The following XIST variants were observed in gnomAD, a reference collection of about 807,000 sequenced individuals.
XIST encodes X inactive specific transcript (non-protein coding).
exon 1 of XIST, chrX:73,847,109 C>T (rs1398594300): frequency 1.3e-5 from 7 of 557,659 alleles, no homozygotes; most frequent in South Asian, 2.2e-5. Flanking sequence ...GTAGTAGGTA[C>T]TTCCAGCTGG....
chrX:73,846,517 C>T (rs1477815716), exon 1 of XIST: 3 of 557,405 alleles, frequency 5.4e-6, no homozygotes, highest in South Asian at 2.2e-5. Flanking sequence ...CAAAAGGGGT[C>T]GGAGAGTAGG....
At chrX:73,822,906 A>C in exon 6 of XIST, 1 of 558,472 alleles carries the variant, frequency 1.8e-6, no homozygotes, top group Non-Finnish European at 3.2e-6. Context: ...AACTAAAGAA[A>C]CACAGTCTCT....
At chrX:73,849,095 C>T in exon 1 of XIST, 2 of 559,043 alleles carry the variant, frequency 3.6e-6, no homozygotes, top group Non-Finnish European at 6.5e-6. Flanking sequence ...TTAAGAAACT[C>T]TTAAATCTCA....
At chrX:73,830,427 T>C (rs1302892059) in intron 4 of XIST, among the ~76,000 whole-genome samples, 1 of 112,150 alleles carries the variant, frequency 8.9e-6, no homozygotes, top group African/African-American at 3.2e-5. Context: ...TCAGGATTTA[T>C]TGCACCGAAT....
At chrX:73,829,715 G>A (rs1458421649) in intron 4 of XIST, among the ~76,000 whole-genome samples, 10 of 105,886 alleles carry the variant, frequency 9.4e-5, no homozygotes, top group African/African-American at 3.5e-4. Flanking sequence ...GCTTGAACCC[G>A]GGAGGCAGAG....
exon 3 of XIST, chrX:73,833,327 C>G (rs1216260575): frequency 9.0e-6 from 5 of 557,945 alleles, no homozygotes; most frequent in Non-Finnish European, 1.6e-5. Context: ...TAATTTGGAG[C>G]CTCTTATAGC....
rs1922514056 is a variant in XIST, at chrX:73,837,874, C to T, written n.11343-371G>A. Among the ~76,000 whole-genome samples the T allele has an allele frequency of 2.7e-5, 3 of 111,423 alleles. No homozygotes were observed. The Admixed American group carries it at 2.9e-4, about 11-fold the overall frequency. The stretch of plus-strand genomic sequence containing the variant: ...TTTGCAGATCTGATCTAAAGACTTA[C>T]TCTCTTTCTTTTCTGTTTATATGGA... On this transcript the variant is annotated intron_variant and non_coding_transcript_variant, in intron 1 of 5. Coordinates refer to ENST00000429829, the Ensembl canonical transcript of XIST.
At chrX:73,852,490 T>C (rs1393027505) in exon 1 of XIST, 2 of 547,873 alleles carry the variant, frequency 3.7e-6, no homozygotes, top group Admixed American at 2.3e-5. Context: ...AAAAATTGCC[T>C]CAAAATATTC....
At chrX:73,851,223 C>T (rs774121330) in exon 1 of XIST, 1 of 559,466 alleles carries the variant, frequency 1.8e-6, no homozygotes, top group South Asian at 2.2e-5. Context: ...TTTAACAATG[C>T]GGCAAGCCCG....
At chrX:73,822,841 T>C (rs948623549) in exon 6 of XIST, 2 of 557,299 alleles carry the variant, frequency 3.6e-6, no homozygotes, top group Non-Finnish European at 6.5e-6. Context: ...AGGTGATCTG[T>C]TTAGTTTTTC....
exon 6 of XIST, chrX:73,824,024 TAATA>T (rs764178402): frequency 3.6e-6 from 2 of 553,405 alleles, no homozygotes; most frequent in African/African-American, 2.2e-5. Flanking sequence ...TCAATAATGA[TAATA>T]AATGTTTGTG....
intron 4 of XIST, among the ~76,000 whole-genome samples, chrX:73,830,145 A>G (rs1265648203): frequency 9.0e-6 from 1 of 111,555 alleles, no homozygotes; most frequent in East Asian, 2.8e-4. Context: ...AAAGAAGAAG[A>G]AGAAGAAGAA....
exon 5 of XIST, chrX:73,829,106 G>A (rs762910761): frequency 5.4e-6 from 3 of 558,787 alleles, no homozygotes; most frequent in Non-Finnish European, 6.5e-6. Flanking sequence ...TGCCAGGCAT[G>A]TTGATCTTCA....
intron 5 of XIST, chrX:73,828,708 C>T (rs759759920): frequency 2.3e-4 from 28 of 123,797 alleles, no homozygotes; most frequent in African/African-American, 8.0e-4. Flanking sequence ...TAACTGACGA[C>T]AGAGTCTCTC....
exon 1 of XIST, chrX:73,844,844 C>G (rs753234082): frequency 5.4e-5 from 28 of 518,756 alleles, no homozygotes; most frequent in Non-Finnish European, 9.7e-5. Context: ...TGCATGGCTG[C>G]GGTCACTTAG....
At chrX:73,847,280 C>T in exon 1 of XIST, 1 of 554,246 alleles carries the variant, frequency 1.8e-6, no homozygotes, top group Non-Finnish European at 3.3e-6. Flanking sequence ...AACATAGGGG[C>T]ACATCAACTA....
intron 1 of XIST, among the ~76,000 whole-genome samples, chrX:73,838,921 C>T (rs1224051701): frequency 9.0e-6 from 1 of 111,534 alleles, no homozygotes; most frequent in African/African-American, 3.3e-5. Flanking sequence ...CTCTGTTTAA[C>T]TGACACATCA....
At chrX:73,849,728 C>T (rs755109411) in exon 1 of XIST, 8 of 556,010 alleles carry the variant, frequency 1.4e-5, no homozygotes, top group Non-Finnish European at 2.6e-5. Context: ...ACGGAATATC[C>T]CAGTATAATA....
At chrX:73,850,979 T>C in exon 1 of XIST, 1 of 559,213 alleles carries the variant, frequency 1.8e-6, no homozygotes, top group East Asian at 3.2e-5. Flanking sequence ...ACGTGGCCCC[T>C]CCACTTCTTT....
Sources: gnomAD v4.1 joint callset for allele counts (sites outside exome capture counted in the v4.1 genomes callset) on GRCh38, gnomAD v4.1.1 for gene constraint, MANE v1.5 for transcripts, NCBI Gene and HGNC (gene_info 2026-07-23, HGNC 2026-07-21) for gene names.